MYO16: variants seen among roughly 807,000 people sequenced by gnomAD.
MYO16 encodes the protein myosin XVI, also known as unconventional myosin-XVI.
In MYO16, 94 loss-of-function variants were observed where a neutral mutation model predicts 205.3. That is an observed-to-expected ratio of 0.46 (90% CI 0.39 to 0.54). MYO16 has a LOEUF of 0.54. Among genes scored for constraint, MYO16 ranks in the 20% least tolerant of loss-of-function variants. MYO16 has a pLI of 0.00. For missense variants in MYO16, 2,315 were observed against 2,387.5 expected (o/e 0.97, Z 0.63); for synonymous variants, 988 against 954.0 (o/e 1.04, Z -0.66).
chr13:108,574,241 C>T, the MYO16 span, among the ~76,000 whole-genome samples: 3 of 152,142 alleles, frequency 2.0e-5, no homozygotes, highest in East Asian at 1.9e-4. Context: ...TGACTTATGT[C>T]TCTTGTTGGC....
intron 34 of MYO16, among the ~76,000 whole-genome samples, chr13:109,195,644 T>G (rs1880123761): frequency 6.6e-6 from 1 of 152,206 alleles, no homozygotes; most frequent in African/African-American, 2.4e-5. Flanking sequence ...CCAAGACATT[T>G]CCTTCTTTTA....
the MYO16 span, among the ~76,000 whole-genome samples, chr13:108,570,075 T>C: frequency 6.6e-6 from 1 of 152,256 alleles, no homozygotes; most frequent in African/African-American, 2.4e-5. Context: ...TCATGGAAAT[T>C]ATCTATACAT....
In MYO16 at chr13:109,017,566, T is replaced by C. The variant is rs963571361; in HGVS notation, c.2596-2145T>C. Among the ~76,000 whole-genome samples the C allele has an allele frequency of 2.6e-5, 4 of 152,200 alleles. No homozygotes were observed. The East Asian group carries it at 5.8e-4, about 22-fold the overall frequency. On this transcript the variant is annotated intron_variant, in intron 22 of 34. Transcript: ENST00000457511. ...ATATCCTGAAGAGTGTTTTCCAACT[T>C]GGTTCCCTTCTCCCTGTCACTTTCA... is the stretch of plus-strand genomic sequence containing the variant.
chr13:108,980,953 C>G (rs1349649736), intron 20 of MYO16, among the ~76,000 whole-genome samples: 2 of 152,148 alleles, frequency 1.3e-5, no homozygotes, highest in Non-Finnish European at 2.9e-5. Context: ...GCCCAAATCA[C>G]ACAGCCAGAA....
intron 9 of MYO16, among the ~76,000 whole-genome samples, chr13:108,825,975 A>G (rs1008339592): frequency 6.6e-6 from 1 of 152,138 alleles, no homozygotes; most frequent in African/African-American, 2.4e-5. Flanking sequence ...GCCTAAATAT[A>G]TGGAAAGAAA....
chr13:108,691,038 T>TC (rs1882875483), intron 2 of MYO16, among the ~76,000 whole-genome samples: 7 of 152,340 alleles, frequency 4.6e-5, no homozygotes, highest in African/African-American at 1.7e-4. Context: ...TTTTGATTAA[T>TC]TTTAACACAG....
intron 24 of MYO16, among the ~76,000 whole-genome samples, chr13:109,051,324 C>T (rs1229537282): frequency 1.3e-5 from 2 of 152,140 alleles, no homozygotes; most frequent in Non-Finnish European, 2.9e-5. Flanking sequence ...TGCACCTGGG[C>T]AGGCAAAATA....
At position 108,694,521 on chromosome 13, in the gene MYO16, T is replaced by C. The variant is rs146395109; in HGVS notation, c.293-18140T>C. ...TTTCATGTCTTGTTGGTCGTTTTTATCTCTTCTTTAGAGAAAAGTATTTTG... is the reference window on the plus strand; with the variant it reads ...TTTCATGTCTTGTTGGTCGTTTTTACCTCTTCTTTAGAGAAAAGTATTTTG... On this transcript the variant is annotated intron_variant, in intron 2 of 34. Coordinates refer to ENST00000457511, the MANE Select transcript of MYO16 (RefSeq NM_001198950.3). Among the ~76,000 whole-genome samples, 114 of 152,310 alleles carry C rather than the reference T, an allele frequency of 7.5e-4. 1 individual carries two copies. In the East Asian group the frequency reaches 0.022, roughly 29 times the overall value.
Position 108,818,394 on chromosome 13 carries a change from T to A in MYO16, c.868-1943T>A, listed in dbSNP as rs918728156. On this transcript the variant is annotated intron_variant, in intron 7 of 34. Transcript: ENST00000457511. ...GTGAAACAACGTCTCAAAAAAAAAA[T>A]AATAATAATAAATAAAAATAAAAAA... Among the ~76,000 whole-genome samples, 7 of 133,734 alleles carry A rather than the reference T, an allele frequency of 5.2e-5. No individual in the cohort carries two copies. The South Asian group carries it at 7.5e-4, about 14-fold the overall frequency. 87.7% of individuals were successfully genotyped at this position (133,734 alleles called of 152,430 possible). A position where few individuals can be genotyped will look rare whatever the true frequency, so the allele number is the denominator to read the frequency against.
chr13:108,649,991 A>T (rs1424240203), intron 1 of MYO16, among the ~76,000 whole-genome samples: 2 of 152,194 alleles, frequency 1.3e-5, no homozygotes, highest in Non-Finnish European at 2.9e-5. Flanking sequence ...TCCCAAATGT[A>T]TTTACAGTGA....
At chr13:108,665,551 A>G (rs1021442605) in intron 1 of MYO16, among the ~76,000 whole-genome samples, 1 of 152,208 alleles carries the variant, frequency 6.6e-6, no homozygotes, top group African/African-American at 2.4e-5. Flanking sequence ...GTATTACTCA[A>G]TTAGAAGGAA....
At chr13:108,509,399 A>T in the MYO16 span, among the ~76,000 whole-genome samples, 8 of 152,218 alleles carry the variant, frequency 5.3e-5, no homozygotes, top group African/African-American at 1.9e-4. Context: ...TCATAATCCT[A>T]CTACTCTATG....
At chr13:108,590,670 C>T in the MYO16 span, among the ~76,000 whole-genome samples, 21 of 152,036 alleles carry the variant, frequency 1.4e-4, no homozygotes, top group African/African-American at 4.8e-4. Context: ...AAACACCATG[C>T]GAAGACACAA....
the MYO16 span, among the ~76,000 whole-genome samples, chr13:108,496,197 G>C: frequency 6.6e-6 from 1 of 152,176 alleles, no homozygotes. Context: ...CCGCTAGGAC[G>C]CGTAAGCCGA....
intron 3 of MYO16, among the ~76,000 whole-genome samples, chr13:108,714,008 T>G (rs1419580396): frequency 6.6e-6 from 1 of 152,168 alleles, no homozygotes; most frequent in South Asian, 2.1e-4. Flanking sequence ...CTTCCATAGA[T>G]TAATATTCTC....
At chr13:108,520,153 G>T in the MYO16 span, among the ~76,000 whole-genome samples, 1 of 151,808 alleles carries the variant, frequency 6.6e-6, no homozygotes, top group South Asian at 2.1e-4. Context: ...CTCCTTCTAT[G>T]TGACCTGGGC....
chr13:109,135,806 A>T (rs1388477684), intron 31 of MYO16, among the ~76,000 whole-genome samples: 1 of 152,160 alleles, frequency 6.6e-6, no homozygotes, highest in Admixed American at 6.5e-5. Context: ...ACACCCACAA[A>T]TCTTTCTGAG....
intron 4 of MYO16, among the ~76,000 whole-genome samples, chr13:108,753,166 G>A (rs996792619): frequency 6.7e-6 from 1 of 150,136 alleles, no homozygotes; most frequent in Non-Finnish European, 1.5e-5. Flanking sequence ...TCAGCAGTTC[G>A]AGACCAGCCT....
intron 1 of MYO16, among the ~76,000 whole-genome samples, chr13:108,654,678 GT>G (rs1467964228): frequency 2.6e-5 from 4 of 152,210 alleles, no homozygotes; most frequent in South Asian, 2.1e-4. Context: ...ATGTAGGAAA[GT>G]TTGGAACTTC....
Sources: allele counts gnomAD v4.1 joint callset (sites outside exome capture counted in the v4.1 genomes callset), GRCh38; gene constraint gnomAD v4.1.1; transcripts MANE v1.5; gene names NCBI Gene and HGNC (gene_info 2026-07-23, HGNC 2026-07-21).